Variants in ZNF583 observed in about 807,000 individuals in gnomAD.
ZNF583 encodes the protein zinc finger protein 583.
In ZNF583, 30 loss-of-function variants were observed where a neutral mutation model predicts 55.3. That is an observed-to-expected ratio of 0.54 (90% CI 0.41 to 0.74). The LOEUF is 0.74. ZNF583 is among the 30% of genes least tolerant of loss of function. The probability of loss-of-function intolerance (pLI) is 0.00; values close to 1 mark genes in which losing one functional copy is unlikely to be tolerated. For missense variants in ZNF583, 504 were observed against 664.7 expected (o/e 0.76, Z 2.66); for synonymous variants, 208 against 220.0 (o/e 0.95, Z 0.48).
chr19:56,414,541 C>A, intron 4 of ZNF583, 101 bp downstream of exon 4: 1 of 1,035,690 alleles, frequency 9.7e-7, no homozygotes. Context: ...GGTAGCTCTT[C>A]TTAAAGACTC....
chr19:56,410,747 T>G (rs1397261071), intron 2 of ZNF583, among the ~76,000 whole-genome samples: 2 of 151,948 alleles, frequency 1.3e-5, no homozygotes, highest in East Asian at 3.9e-4. Context: ...TTTACCCAAC[T>G]GAAAATAAGC....
At chr19:56,415,347 TA>T (rs1388580885) in intron 4 of ZNF583, among the ~76,000 whole-genome samples, 1 of 151,920 alleles carries the variant, frequency 6.6e-6, no homozygotes, top group Admixed American at 6.6e-5. Flanking sequence ...GTTATATATA[TA>T]AGATGAGGAG....
In ZNF583 at chr19:56,414,353, G is replaced by C. The variant is rs1056676910; in HGVS notation, c.145G>C (p.Val49Leu). 1 of 1,614,070 alleles carries C rather than the reference G, an allele frequency of 6.2e-7. No individual in the cohort carries two copies. Among genetic ancestry groups the C allele is most frequent in the Non-Finnish European group, 8.5e-7 (1 of 1,179,994 alleles). The part of the protein sequence containing the change: ...YRSLVSLGVS[V>L]SKPDVISLLE... Reference sequence around the variant, plus strand: ...TTGTTTTTTGTAAGCAGGAGTTTCTGTTTCTAAGCCAGATGTGATCTCATT... The same window carrying C: ...TTGTTTTTTGTAAGCAGGAGTTTCTCTTTCTAAGCCAGATGTGATCTCATT... Residue 49 changes from valine to leucine, a missense_variant, in exon 4 of 5, where the codon GTT becomes CTT. By Grantham distance (32) the Val-to-Leu change is conservative. Around this residue, in one of 3 missense-constraint regions of ZNF583, gnomAD observed 204 missense variants for 235.2 expected, o/e 0.87. Transcript: ENST00000333201.
chr19:56,422,423 T>C (rs1402943104), intron 4 of ZNF583, among the ~76,000 whole-genome samples: 1 of 152,190 alleles, frequency 6.6e-6, no homozygotes, highest in East Asian at 1.9e-4. Flanking sequence ...TGTTTACCCA[T>C]AGAGTTTTAT....
chr19:56,411,584 C>T (rs376942466), intron 2 of ZNF583, among the ~76,000 whole-genome samples: 2 of 152,156 alleles, frequency 1.3e-5, no homozygotes, highest in African/African-American at 2.4e-5. Flanking sequence ...AACACTTTCC[C>T]GCACAAAATT....
chr19:56,424,438 T>C lies in ZNF583; in HGVS notation c.*70T>C. 1.5e-6 allele frequency: 1 copy of C among 688,596 alleles called. No individual in the cohort carries two copies. Among genetic ancestry groups the C allele is most frequent in the South Asian group, 1.8e-5 (1 of 54,756 alleles). 42.7% of individuals were successfully genotyped at this position (688,596 alleles called of 1,614,324 possible). On this transcript the variant is annotated 3_prime_UTR_variant, in exon 5 of 5. Coordinates refer to ENST00000333201, the MANE Select transcript of ZNF583 (RefSeq NM_152478.3). ...CCTTGTCCAATGCACATTAATATATTTGACATGGGATACTCGAGTAGCTTT... is the reference window on the plus strand; with the variant it reads ...CCTTGTCCAATGCACATTAATATATCTGACATGGGATACTCGAGTAGCTTT...
intron 2 of ZNF583, among the ~76,000 whole-genome samples, chr19:56,413,601 C>T (rs779025512): frequency 3.4e-4 from 51 of 152,064 alleles, no homozygotes; most frequent in Non-Finnish European, 6.5e-4. Context: ...TTTACTGCCC[C>T]GGTGTATCTG....
At chr19:56,410,795 G>A (rs962880648) in intron 2 of ZNF583, among the ~76,000 whole-genome samples, 1 of 152,120 alleles carries the variant, frequency 6.6e-6, no homozygotes, top group Admixed American at 6.5e-5. Context: ...TAATTATACT[G>A]TATAATAGTA....
At position 56,422,892 on chromosome 19, in the gene ZNF583, T is replaced by G; in HGVS notation, c.234T>G (p.Asp78Glu). The change falls in exon 5 of 5, where the codon GAT becomes GAG. Residue 78 changes from aspartate (D) to glutamate (E), a missense_variant and splice_region_variant. Physicochemically the swap from Asp to Glu is conservative, Grantham distance 45. This residue lies in a region of ZNF583 where 204 missense variants were observed against 235.2 expected (regional missense o/e 0.87). Transcript: ENST00000333201. ...CATTTGTTTCTTGATATCTTTTAGA[T>G]TGGGAGTATGTATTTAAAAACAGTG... ...KKEGTRGPCP[D>E]WEYVFKNSEF... 1 of 1,582,190 alleles carries G rather than the reference T, an allele frequency of 6.3e-7. No individual in the cohort carries two copies. Among genetic ancestry groups the G allele is most frequent in the Non-Finnish European group, 8.6e-7 (1 of 1,166,562 alleles).
intron 4 of ZNF583, among the ~76,000 whole-genome samples, chr19:56,417,507 T>A (rs2147592121): frequency 6.6e-6 from 1 of 152,364 alleles, no homozygotes; most frequent in South Asian, 2.1e-4. Flanking sequence ...TTCCCATGTT[T>A]TATTGGATTG....
intron 2 of ZNF583, among the ~76,000 whole-genome samples, chr19:56,411,274 G>C (rs1479792778): frequency 1.3e-5 from 2 of 152,112 alleles, no homozygotes; most frequent in African/African-American, 4.8e-5. Context: ...CTTGGCGACA[G>C]AGCAAGATCC....
chr19:56,419,002 AT>A (rs376997205), intron 4 of ZNF583, among the ~76,000 whole-genome samples: 3,243 of 151,838 alleles, frequency 0.021, 111 homozygotes, highest in African/African-American at 0.072. Context: ...TGATCATGTG[AT>A]TTTTTTTCTC....
intron 4 of ZNF583, among the ~76,000 whole-genome samples, chr19:56,421,261 T>A (rs1312634484): frequency 8.6e-6 from 1 of 116,932 alleles, no homozygotes; most frequent in Non-Finnish European, 1.8e-5. Flanking sequence ...GATTATAATA[T>A]CTATCCTTAA....
chr19:56,406,779 G>A (rs56068433), intron 1 of ZNF583, among the ~76,000 whole-genome samples: 1,622 of 152,190 alleles, frequency 0.011, 27 homozygotes, highest in African/African-American at 0.037. Flanking sequence ...CGCCAGCCTC[G>A]GCCTCCCAAA....
intron 4 of ZNF583, 99 bp downstream of exon 4, chr19:56,414,539 T>G: frequency 1.2e-5 from 13 of 1,078,220 alleles, no homozygotes; most frequent in Non-Finnish European, 1.6e-5. Context: ...TGGGTAGCTC[T>G]TCTTAAAGAC....
intron 4 of ZNF583, among the ~76,000 whole-genome samples, chr19:56,417,728 C>T (rs186780666): frequency 5.3e-5 from 8 of 152,250 alleles, no homozygotes; most frequent in African/African-American, 1.9e-4. Context: ...ATTCTTGCTA[C>T]TCCCAGGTCA....
rs192583387 is a variant in ZNF583, at chr19:56,405,117, C to A, written c.-90+665C>A. 4.0e-5 allele frequency among the ~76,000 whole-genome samples: 6 copies of A among 151,606 alleles called. No individual in the cohort carries two copies. The East Asian group carries it at 1.2e-3, about 30-fold the overall frequency. ...GTTGATATGGGACCACATGAAACTG[C>A]GACAGAATTTGTGTGACAGTGTGTG... On this transcript the variant is annotated intron_variant, in intron 1 of 4. Transcript: ENST00000333201.
At chr19:56,408,671 T>A (rs1323979650) in intron 2 of ZNF583, among the ~76,000 whole-genome samples, 1 of 152,132 alleles carries the variant, frequency 6.6e-6, no homozygotes, top group Non-Finnish European at 1.5e-5. Context: ...TGAGGGTCAG[T>A]AATGTCGATG....
intron 2 of ZNF583, among the ~76,000 whole-genome samples, chr19:56,409,532 C>T (rs138484132): frequency 1.3e-5 from 2 of 152,166 alleles, no homozygotes; most frequent in African/African-American, 4.8e-5. Flanking sequence ...GATGGGGTCT[C>T]ACTATTTTGC....
Sources: gnomAD v4.1 joint callset for allele counts (sites outside exome capture counted in the v4.1 genomes callset) on GRCh38, gnomAD v4.1.1 for gene constraint, gnomAD v4.1.1 regional missense constraint, MANE v1.5 for transcripts, NCBI Gene and HGNC (gene_info 2026-07-23, HGNC 2026-07-21) for gene names.